The following IQCE variants were observed in gnomAD, a reference collection of about 807,000 sequenced individuals.
The protein encoded by IQCE is IQ motif containing E, also known as IQ domain-containing protein E.
IQCE carries 115 observed loss-of-function variants against 96.0 expected under a neutral mutation model. The ratio of observed to expected loss-of-function variants is 1.20; its 90% CI spans 1.03 to 1.40. IQCE has a LOEUF of 1.40. Among genes scored for constraint, IQCE ranks in the 40% most tolerant of loss-of-function variants. IQCE has a pLI of 0.00. For synonymous variants in IQCE, 412 were observed against 371.2 expected (o/e 1.11, Z -1.26); for missense variants, 1,041 against 909.1 (o/e 1.15, Z -1.87).
chr7:2,594,834 T>C, intron 15 of IQCE, 52 bp from the exon 16 acceptor site: 2 of 1,112,600 alleles, frequency 1.8e-6, no homozygotes, highest in Non-Finnish European at 2.7e-6. Flanking sequence ...TGTGCCGGCC[T>C]TCATCACATA....
intron 12 of IQCE, among the ~76,000 whole-genome samples, 155 bp downstream of exon 12, chr7:2,586,526 C>T (rs564699721): frequency 3.3e-4 from 50 of 152,354 alleles, no homozygotes; most frequent in Admixed American, 9.8e-4. Flanking sequence ...GCACCTGCCG[C>T]GGGCCACGCG....
intron 10 of IQCE, 145 bp from the exon 11 acceptor site, chr7:2,584,091 C>T (rs1018629699): frequency 1.2e-5 from 9 of 755,338 alleles, no homozygotes; most frequent in African/African-American, 8.6e-5. Context: ...GCTCCTGCTT[C>T]AGCCCAACGG....
chr7:2,601,513 G>A (rs1189377692), intron 18 of IQCE, 49 bp downstream of exon 18: 6 of 1,346,976 alleles, frequency 4.5e-6, no homozygotes, highest in Admixed American at 3.4e-5. Context: ...GTATTTTGTT[G>A]AAAAGTAGGT....
chr7:2,610,302 GC>G lies in IQCE; in HGVS notation c.*141del. Reference sequence around the variant, plus strand: ...CAGCATCTGCGTCGTGTCTCTTTGTGCTTTTGTTTGTGGAAGGAGACCCAAA... The same window carrying G: ...CAGCATCTGCGTCGTGTCTCTTTGTGTTTTGTTTGTGGAAGGAGACCCAAA... On this transcript the variant is annotated 3_prime_UTR_variant, in exon 22 of 22. Transcript: ENST00000402050. 1.6e-6 allele frequency: 1 copy of G among 635,330 alleles called. No individual in the cohort carries two copies. Among genetic ancestry groups the G allele is most frequent in the Admixed American group, 2.6e-5 (1 of 39,018 alleles). 39.4% of individuals were successfully genotyped at this position (635,330 alleles called of 1,614,324 possible).
chr7:2,570,206 C>G (rs1344832146), intron 3 of IQCE, among the ~76,000 whole-genome samples: 1 of 152,094 alleles, frequency 6.6e-6, no homozygotes, highest in Non-Finnish European at 1.5e-5. Context: ...TGTTTTCCTG[C>G]TTTCCGAGTT....
At chr7:2,596,891 T>C in intron 16 of IQCE, 1 of 442,468 alleles carries the variant, frequency 2.3e-6, no homozygotes, top group Non-Finnish European at 4.8e-6. Flanking sequence ...AAGCAACTTG[T>C]TGCCACAGCT....
intron 16 of IQCE, chr7:2,597,062 T>C (rs1784093058): frequency 4.2e-6 from 2 of 471,124 alleles, no homozygotes; most frequent in Non-Finnish European, 8.8e-6. Context: ...GAGCGGCGCG[T>C]CGGCCAGGAG....
In IQCE at chr7:2,590,705, C is replaced by T. The variant is rs2969013; in HGVS notation, c.1244+599C>T. On this transcript the variant is annotated intron_variant, in intron 14 of 21. Transcript: ENST00000402050. ...ACTTGAGCCCAAGAGTTCGAGGCTG[C>T]AGTGAGCTATGATCATGTCACTGCA... Among the ~76,000 whole-genome samples the T allele has an allele frequency of 3.0e-4, 46 of 152,218 alleles. No homozygotes were observed. The East Asian group carries it at 8.5e-3, about 28-fold the overall frequency.
chr7:2,601,368 A>G, intron 17 of IQCE, 73 bp from the exon 18 acceptor site: 7 of 1,035,306 alleles, frequency 6.8e-6, no homozygotes, highest in Non-Finnish European at 1.0e-5. Context: ...TGTTGGCAAG[A>G]TGAAGGAATC....
rs750014619 is a variant in IQCE at position 2,589,913 on chromosome 7, AGT to A, written c.1055_1056del (p.Val352AspfsTer128). 6.2e-7 allele frequency: 1 copy of A among 1,613,712 alleles called. No homozygotes were observed. Among genetic ancestry groups the A allele is most frequent in the Non-Finnish European group, 8.5e-7 (1 of 1,179,872 alleles). ...ATGTCTGTGTTGCCTCCAGAAACTA[AGT>A]GTGATGGAGAGCTCAAAATCACACG... Reference protein sequence around the residue: ...RRIVELEKKLSVMESSKSHAA... With the variant: ...RRIVELEKKLXVMESSKSHAA... On this transcript the variant is annotated frameshift_variant, in exon 14 of 22. Coordinates refer to ENST00000402050, the MANE Select transcript of IQCE (RefSeq NM_152558.5). LOFTEE classifies it high-confidence loss of function.
At position 2,586,298 on chromosome 7, in the gene IQCE, G is replaced by A. The variant is rs749854999; in HGVS notation, c.915G>A (p.Thr305=). 16 of 1,614,020 alleles carry A rather than the reference G, an allele frequency of 9.9e-6. No homozygotes were observed. The highest frequency in any genetic ancestry group is 1.7e-5 in the Admixed American group (1 of 60,022). Residue 305 remains threonine, a synonymous_variant, in exon 12 of 22, where the codon ACG becomes ACA. Coordinates refer to ENST00000402050, the MANE Select transcript of IQCE (RefSeq NM_152558.5). The part of the protein sequence containing the change: ...LSLSRSVQEL[T]EENQSLKEDL... ...TGTCCCGGAGTGTCCAGGAGCTCACGGAAGAGAACCAGAGCCTGAAGGAGG... is the reference window on the plus strand; with the variant it reads ...TGTCCCGGAGTGTCCAGGAGCTCACAGAAGAGAACCAGAGCCTGAAGGAGG...
intron 12 of IQCE, among the ~76,000 whole-genome samples, chr7:2,586,694 AGGT>A (rs896308660): frequency 1.4e-4 from 22 of 152,316 alleles, no homozygotes; most frequent in African/African-American, 4.8e-4. Context: ...GGGGTGAGGC[AGGT>A]GGTGTGTGCA....
Position 2,558,979 on chromosome 7 carries a change from G to A in IQCE, c.-203G>A. ...CGGCCGGCCGGCGCCCGCGGACTCT[G>A]CGCACGCGCATGGTCGCCCCAGGGG... On this transcript the variant is annotated 5_prime_UTR_variant, in exon 1 of 22. Coordinates refer to ENST00000402050, the MANE Select transcript of IQCE (RefSeq NM_152558.5). The A allele has an allele frequency of 3.0e-6, 1 of 334,302 alleles. No individual in the cohort carries two copies. Among genetic ancestry groups the A allele is most frequent in the Non-Finnish European group, 5.4e-6 (1 of 185,956 alleles). 20.7% of individuals were successfully genotyped at this position (334,302 alleles called of 1,614,324 possible).
intron 8 of IQCE, among the ~76,000 whole-genome samples, chr7:2,581,770 C>T (rs1046857636): frequency 1.3e-5 from 2 of 148,238 alleles, no homozygotes; most frequent in Non-Finnish European, 3.0e-5. Context: ...AGTGCAGTGG[C>T]GCAATCTCGG....
intron 8 of IQCE, among the ~76,000 whole-genome samples, chr7:2,579,376 G>C (rs963256243): frequency 2.0e-5 from 3 of 152,092 alleles, no homozygotes; most frequent in Non-Finnish European, 4.4e-5. Context: ...AAAATTAAAA[G>C]TTACATAATA....
chr7:2,559,059 C>T lies in IQCE; in HGVS notation c.-123C>T. On this transcript the variant is annotated 5_prime_UTR_variant, in exon 1 of 22. Coordinates refer to ENST00000402050, the MANE Select transcript of IQCE (RefSeq NM_152558.5). ...GTCGGCGGCCTGGTTGCCATGGCAG[C>T]GGGGTCGCGGGCCGGCGCCAGGGAA... 2.1e-6 allele frequency: 1 copy of T among 480,804 alleles called. No individual in the cohort carries two copies. Among genetic ancestry groups the T allele is most frequent in the Non-Finnish European group, 3.2e-6 (1 of 314,790 alleles). The allele number at this position is 480,804 out of a possible 1,614,324, so 29.8% of individuals were successfully genotyped here.
chr7:2,587,527 G>A (rs1402345716), intron 12 of IQCE, among the ~76,000 whole-genome samples: 1 of 152,304 alleles, frequency 6.6e-6, no homozygotes, highest in South Asian at 2.1e-4. Context: ...GACAGTCATC[G>A]GAGATCTTGA....
In IQCE at chr7:2,610,148, A is replaced by G; in HGVS notation, c.2074A>G (p.Asn692Asp). 6.2e-7 allele frequency: 1 copy of G among 1,604,538 alleles called. No individual in the cohort carries two copies. Among genetic ancestry groups the G allele is most frequent in the Middle Eastern group, 1.7e-4 (1 of 6,038 alleles). ...CATTGCACCGTCTCTGCCCACGAAGAACTTTCCAGTTTAGGTCCCCGTCAC... is the reference window on the plus strand; with the variant it reads ...CATTGCACCGTCTCTGCCCACGAAGGACTTTCCAGTTTAGGTCCCCGTCAC... ...IVIAPSLPTK[N>D]FPV is the part of the protein sequence containing the mutation. The change falls in exon 22 of 22, where the codon AAC (asparagine) becomes GAC (aspartate). Residue 692 changes from asparagine to aspartate, a missense_variant. Physicochemically the swap from Asn to Asp is conservative, Grantham distance 23. Coordinates refer to ENST00000402050, the MANE Select transcript of IQCE (RefSeq NM_152558.5).
At chr7:2,563,802 G>A (rs1781152905) in intron 1 of IQCE, among the ~76,000 whole-genome samples, 1 of 149,540 alleles carries the variant, frequency 6.7e-6, no homozygotes, top group African/African-American at 2.5e-5. Context: ...GCTGAGGCAG[G>A]AGAATGGTGT....
Sources: allele counts gnomAD v4.1 joint callset (sites outside exome capture counted in the v4.1 genomes callset), GRCh38; gene constraint gnomAD v4.1.1; transcripts MANE v1.5; gene names NCBI Gene and HGNC (gene_info 2026-07-23, HGNC 2026-07-21).